Variants in TIAM1 observed in about 807,000 individuals in gnomAD.
The protein encoded by TIAM1 is TIAM Rac1 associated GEF 1.
TIAM1 carries 65 observed loss-of-function variants against 163.5 expected under a neutral mutation model. That is an observed-to-expected ratio of 0.40 (90% CI 0.33 to 0.49). The LOEUF is 0.49. TIAM1 is among the 20% of genes least tolerant of loss of function. TIAM1 has a pLI of 0.77. For synonymous variants in TIAM1, 833 were observed against 810.1 expected (o/e 1.03, Z -0.48); for missense variants, 1,789 against 2,044.7 (o/e 0.87, Z 2.41).
chr21:31,421,075 G>A (rs972361222), intron 2 of TIAM1, among the ~76,000 whole-genome samples: 5 of 151,218 alleles, frequency 3.3e-5, no homozygotes, highest in African/African-American at 9.7e-5. Context: ...TGAGTGCAGT[G>A]AGCCGAGATC....
intron 1 of TIAM1, among the ~76,000 whole-genome samples, chr21:31,483,162 A>C (rs1481598351): frequency 6.6e-6 from 1 of 152,162 alleles, no homozygotes; most frequent in Non-Finnish European, 1.5e-5. Context: ...ATATTTTATA[A>C]ACATAAGCAA....
rs7276831 is a variant in TIAM1 at position 31,208,767 on chromosome 21, C to T, written c.2388+1278G>A. Among the ~76,000 whole-genome samples, 753 of 152,162 alleles carry T rather than the reference C, an allele frequency of 4.9e-3. 3 individuals are homozygous for T. The highest frequency in any genetic ancestry group is 0.017 in the African/African-American group (718 of 41,518). On this transcript the variant is annotated intron_variant, in intron 11 of 27. Coordinates refer to ENST00000541036, the MANE Select transcript of TIAM1 (RefSeq NM_001353694.2). ...GAGCCATGTTTTTTCTTTAAAAAGC[C>T]GTCTGTGATTTGCTTTTTTGAAAAT...
chr21:31,451,132 G>A (rs902723103), intron 2 of TIAM1, among the ~76,000 whole-genome samples: 34 of 151,512 alleles, frequency 2.2e-4, no homozygotes, highest in Admixed American at 1.1e-3. Flanking sequence ...GATAGGCCCC[G>A]GCATCTGCGT....
chr21:31,178,300 A>ATTT (rs1341022781), intron 15 of TIAM1, among the ~76,000 whole-genome samples: 1 of 99,862 alleles, frequency 1.0e-5, no homozygotes, highest in African/African-American at 3.4e-5. Context: ...GTATTCAGGA[A>ATTT]TTCTTTTTTT....
intron 2 of TIAM1, among the ~76,000 whole-genome samples, chr21:31,444,959 T>C (rs578352): frequency 0.82 from 124,641 of 152,084 alleles, 51,435 homozygotes; most frequent in East Asian, 0.92. Context: ...GATCACGCCA[T>C]TGCACTTCAG....
At chr21:31,193,644 C>G (rs193119273) in intron 13 of TIAM1, among the ~76,000 whole-genome samples, 5 of 152,272 alleles carry the variant, frequency 3.3e-5, no homozygotes, top group Admixed American at 1.3e-4. Context: ...ATGATTTAGG[C>G]AGAGAGCGAG....
At chr21:31,348,676 C>G (rs2076187346), upstream of TIAM1, among the ~76,000 whole-genome samples, 1 of 152,160 alleles carries the variant, frequency 6.6e-6, no homozygotes, top group Non-Finnish European at 1.5e-5. Flanking sequence ...CACTCCCATG[C>G]TAGGTAATCT....
chr21:31,521,282 A>G (rs933695002), intron 1 of TIAM1, among the ~76,000 whole-genome samples: 5 of 152,208 alleles, frequency 3.3e-5, no homozygotes, highest in Admixed American at 3.3e-4. Context: ...GGCTTCATTT[A>G]AATTAGAAAA....
At chr21:31,253,579 T>C (rs1442442994) in intron 4 of TIAM1, among the ~76,000 whole-genome samples, 2 of 152,184 alleles carry the variant, frequency 1.3e-5, no homozygotes, top group African/African-American at 4.8e-5. Context: ...AAGAGATGTA[T>C]AGCAAGACAT....
At chr21:31,378,280 T>G (rs1233732803) in intron 2 of TIAM1, among the ~76,000 whole-genome samples, 2 of 152,058 alleles carry the variant, frequency 1.3e-5, no homozygotes, top group Non-Finnish European at 2.9e-5. Context: ...ATAGGTAACA[T>G]TACTGTTCAT....
chr21:31,157,083 A>G (rs1299737930), intron 16 of TIAM1, among the ~76,000 whole-genome samples: 1 of 152,248 alleles, frequency 6.6e-6, no homozygotes, highest in East Asian at 1.9e-4. Context: ...TTTTTACTGT[A>G]GGCTAATTGA....
chr21:31,304,317 A>T (rs1000137720), intron 2 of TIAM1, among the ~76,000 whole-genome samples: 1 of 152,250 alleles, frequency 6.6e-6, no homozygotes, highest in Non-Finnish European at 1.5e-5. Context: ...GAAGAGAAGG[A>T]AGAAAATAAA....
chr21:31,482,948 A>G (rs2046163007), intron 1 of TIAM1, among the ~76,000 whole-genome samples: 1 of 152,158 alleles, frequency 6.6e-6, no homozygotes, highest in South Asian at 2.1e-4. Flanking sequence ...CACACTGGTA[A>G]TGAAAGTGTT....
chr21:31,164,238 A>G (rs1168093569), intron 16 of TIAM1, among the ~76,000 whole-genome samples: 1 of 152,112 alleles, frequency 6.6e-6, no homozygotes, highest in Non-Finnish European at 1.5e-5. Flanking sequence ...AAAATACAAA[A>G]AATTAGCAGG....
chr21:31,477,432 C>T (rs1289765667), intron 1 of TIAM1, among the ~76,000 whole-genome samples: 3 of 151,366 alleles, frequency 2.0e-5, no homozygotes, highest in African/African-American at 7.3e-5. Flanking sequence ...GCATTCCCCA[C>T]CTTTTCAAAT....
intron 2 of TIAM1, among the ~76,000 whole-genome samples, chr21:31,391,897 CA>C (rs2076971555): frequency 1.3e-5 from 2 of 152,262 alleles, no homozygotes; most frequent in South Asian, 4.2e-4. Flanking sequence ...GACAATGGCA[CA>C]AAAGCAATAA....
At chr21:31,126,918 T>A in intron 26 of TIAM1, 147 bp downstream of exon 26, 1 of 705,526 alleles carries the variant, frequency 1.4e-6, no homozygotes, top group East Asian at 2.8e-5. Context: ...AGCTGTCAGC[T>A]CCTCCCAGCT....
intron 1 of TIAM1, among the ~76,000 whole-genome samples, chr21:31,503,754 C>A (rs1174595610): frequency 6.6e-6 from 1 of 151,172 alleles, no homozygotes; most frequent in African/African-American, 2.4e-5. Flanking sequence ...TCTTCATCAT[C>A]ACAGTAAAGT....
At chr21:31,210,675 GA>G (rs1267076602) in intron 10 of TIAM1, among the ~76,000 whole-genome samples, 7 of 71,332 alleles carry the variant, frequency 9.8e-5, no homozygotes, top group African/African-American at 4.7e-4. Flanking sequence ...GAAAAAGAAA[GA>G]AAGAAAGAAA....
Sources: allele counts gnomAD v4.1 joint callset (sites outside exome capture counted in the v4.1 genomes callset), GRCh38; gene constraint gnomAD v4.1.1; transcripts MANE v1.5; gene names NCBI Gene and HGNC (gene_info 2026-07-23, HGNC 2026-07-21).